PRKDC: variants seen among roughly 807,000 people sequenced by gnomAD.
The protein encoded by PRKDC is protein kinase, DNA-activated, catalytic subunit, also known as DNA-dependent protein kinase catalytic subunit.
Under a neutral mutation model 486.9 loss-of-function variants are expected in PRKDC, and 82 were observed. That is an observed-to-expected ratio of 0.17 (90% CI 0.14 to 0.20). PRKDC has a LOEUF of 0.20. Among genes scored for constraint, PRKDC ranks in the 10% least tolerant of loss-of-function variants. The pLI, the probability that PRKDC is intolerant of heterozygous loss-of-function variation, is 1.00. For missense variants in PRKDC, 4,504 were observed against 5,038.2 expected (o/e 0.89, Z 3.21); for synonymous variants, 1,895 against 1,837.0 (o/e 1.03, Z -0.81).
Position 47,939,544 on chromosome 8 carries a change from G to T in PRKDC, c.1113+7C>A. ...AAGACAAAATAGAGTAAGTTAATGA[G>T]ACATACTCCTGCAAAAAGTCCATAT... On this transcript the variant is annotated splice_region_variant and intron_variant, in intron 11 of 85. Coordinates refer to ENST00000314191, the MANE Select transcript of PRKDC (RefSeq NM_006904.7). 1.2e-6 allele frequency: 2 copies of T among 1,609,478 alleles called. No homozygotes were observed. The highest frequency in any genetic ancestry group is 1.1e-5 in the South Asian group (1 of 89,782).
chr8:47,887,735 G>C (rs1385446896), intron 34 of PRKDC, 30 bp from the exon 35 acceptor site: 1 of 1,560,764 alleles, frequency 6.4e-7, no homozygotes, highest in African/African-American at 1.4e-5. Flanking sequence ...GAAATGCCTA[G>C]CAAAAAGATA....
intron 36 of PRKDC, among the ~76,000 whole-genome samples, chr8:47,883,351 T>C (rs1320880570): frequency 6.6e-6 from 1 of 152,196 alleles, no homozygotes; most frequent in African/African-American, 2.4e-5. Context: ...TCTTTTATTG[T>C]AGTGAAACCC....
chr8:47,837,190 A>G (rs369389730), intron 57 of PRKDC, 22 bp downstream of exon 57: 33 of 1,589,502 alleles, frequency 2.1e-5, no homozygotes, highest in African/African-American at 2.7e-5. Context: ...ATTCACTACT[A>G]TGAGAGAGAA....
At chr8:47,849,131 G>T in intron 54 of PRKDC, 23 bp downstream of exon 54, 1 of 1,610,486 alleles carries the variant, frequency 6.2e-7, no homozygotes, top group South Asian at 1.1e-5. Context: ...TGGGACCCAA[G>T]AGCAGGGCTA....
intron 74 of PRKDC, among the ~76,000 whole-genome samples, chr8:47,791,056 A>G (rs2086874451): frequency 6.6e-6 from 1 of 152,230 alleles, no homozygotes; most frequent in Non-Finnish European, 1.5e-5. Flanking sequence ...CCAAATTTAA[A>G]ATGGACAAAC....
intron 72 of PRKDC, among the ~76,000 whole-genome samples, chr8:47,798,798 G>A (rs1339399494): frequency 6.6e-6 from 1 of 152,114 alleles, no homozygotes; most frequent in Non-Finnish European, 1.5e-5. Context: ...GTTGCTTAGA[G>A]AGGCCATTGT....
chr8:47,863,214 A>G (rs1034472881), intron 42 of PRKDC, among the ~76,000 whole-genome samples, 185 bp downstream of exon 42: 1 of 152,258 alleles, frequency 6.6e-6, no homozygotes, highest in African/African-American at 2.4e-5. Context: ...AGATAAAACA[A>G]CTGTTATCCA....
At chr8:47,886,403 T>C (rs1160677517) in intron 35 of PRKDC, among the ~76,000 whole-genome samples, 2 of 152,210 alleles carry the variant, frequency 1.3e-5, no homozygotes, top group Non-Finnish European at 2.9e-5. Flanking sequence ...TGTGTTTTAT[T>C]TTTTGAGACA....
intron 21 of PRKDC, among the ~76,000 whole-genome samples, chr8:47,925,289 C>A (rs1273747999): frequency 6.6e-6 from 1 of 152,182 alleles, no homozygotes; most frequent in Non-Finnish European, 1.5e-5. Flanking sequence ...GTGGAAACAA[C>A]CAGCAAAGGC....
chr8:47,959,050 G>A (rs2090763219), intron 1 of PRKDC: 1 of 152,042 alleles, frequency 6.6e-6, no homozygotes, highest in Non-Finnish European at 1.5e-5. Flanking sequence ...ATAGCATCTA[G>A]TTTAAACTGT....
At chr8:47,853,742 A>G (rs1296690140) in intron 51 of PRKDC, among the ~76,000 whole-genome samples, 1 of 152,204 alleles carries the variant, frequency 6.6e-6, no homozygotes, top group African/African-American at 2.4e-5. Flanking sequence ...GGATATGAAA[A>G]AATCACACTG....
chr8:47,865,122 T>C (rs1304588243), intron 40 of PRKDC, among the ~76,000 whole-genome samples: 1 of 151,922 alleles, frequency 6.6e-6, no homozygotes, highest in Admixed American at 6.6e-5. Flanking sequence ...GCGTGGTGGC[T>C]CACGCCTGTA....
At chr8:47,812,969 T>C (rs888680983) in intron 68 of PRKDC, among the ~76,000 whole-genome samples, 25 of 152,040 alleles carry the variant, frequency 1.6e-4, no homozygotes, top group African/African-American at 5.8e-4. Context: ...AATAATTTGA[T>C]GACTTTGATG....
chr8:47,947,935 C>G (rs2090560886), intron 7 of PRKDC, among the ~76,000 whole-genome samples: 1 of 151,466 alleles, frequency 6.6e-6, no homozygotes, highest in Non-Finnish European at 1.5e-5. Context: ...TAAAAATTAG[C>G]AGGACATGGT....
chr8:47,821,569 T>C (rs752159976), intron 65 of PRKDC, 35 bp downstream of exon 65: 1 of 1,542,336 alleles, frequency 6.5e-7, no homozygotes, highest in Non-Finnish European at 8.8e-7. Flanking sequence ...CTATCTAAAA[T>C]AATTATTTCA....
intron 55 of PRKDC, among the ~76,000 whole-genome samples, chr8:47,839,715 A>G (rs1371015742): frequency 1.3e-5 from 2 of 152,242 alleles, no homozygotes; most frequent in African/African-American, 4.8e-5. Flanking sequence ...ATGGTAAAAA[A>G]AAATGTGTTA....
chr8:47,913,031 A>G (rs573915496), intron 24 of PRKDC, among the ~76,000 whole-genome samples: 3 of 152,358 alleles, frequency 2.0e-5, no homozygotes, highest in African/African-American at 7.2e-5. Flanking sequence ...CAATTCTTCC[A>G]ACAGCATGTG....
At chr8:47,872,898 A>C (rs1319056359) in intron 40 of PRKDC, among the ~76,000 whole-genome samples, 1 of 152,200 alleles carries the variant, frequency 6.6e-6, no homozygotes, top group Non-Finnish European at 1.5e-5. Flanking sequence ...AAAATCAGTC[A>C]ACAAAGAAAC....
intron 22 of PRKDC, among the ~76,000 whole-genome samples, chr8:47,917,489 A>C (rs527483889): frequency 6.6e-6 from 1 of 152,322 alleles, no homozygotes; most frequent in African/African-American, 2.4e-5. Flanking sequence ...TTCTTACTTC[A>C]TTCCAAAAAT....
Sources: gnomAD v4.1 joint callset for allele counts (sites outside exome capture counted in the v4.1 genomes callset) on GRCh38, gnomAD v4.1.1 for gene constraint, MANE v1.5 for transcripts, NCBI Gene and HGNC (gene_info 2026-07-23, HGNC 2026-07-21) for gene names.